COPA: variants seen among roughly 807,000 people sequenced by gnomAD.
COPA encodes coat protein complex I subunit alpha, also known as coatomer subunit alpha.
Under a neutral mutation model 158.7 loss-of-function variants are expected in COPA, and 10 were observed. The observed-to-expected ratio is 0.06, with a 90% CI of 0.04 to 0.11. The LOEUF (loss-of-function observed/expected upper bound fraction) is 0.11, where lower values mean the gene tolerates loss of function less well. Among genes scored for constraint, COPA ranks in the 10% least tolerant of loss-of-function variants. The pLI is 1.00. For missense variants in COPA, 1,065 were observed against 1,536.7 expected (o/e 0.69, Z 5.13); for synonymous variants, 462 against 542.8 (o/e 0.85, Z 2.07).
At chr1:160,333,763 T>G in intron 4 of COPA, 84 bp from the exon 5 acceptor site, 1 of 1,092,084 alleles carries the variant, frequency 9.2e-7, no homozygotes, top group Non-Finnish European at 1.4e-6. Context: ...TCTAAAGAAC[T>G]GCATTGCTTA....
rs1429416289 is a variant in COPA, at chr1:160,313,076, G to A, written c.925+9C>T. On this transcript the variant is annotated intron_variant, in intron 10 of 32. Transcript: ENST00000241704. Reference sequence around the variant, plus strand: ...TAAGCAAAGAAAAAAGAGAGAAAATGGCCCTTACCTGCTGCAAAGAGGTTA... The same window carrying A: ...TAAGCAAAGAAAAAAGAGAGAAAATAGCCCTTACCTGCTGCAAAGAGGTTA... 1 of 1,609,404 alleles carries A rather than the reference G, an allele frequency of 6.2e-7. No individual in the cohort carries two copies. The highest frequency in any genetic ancestry group is 1.1e-5 in the South Asian group (1 of 90,304).
intron 25 of COPA, among the ~76,000 whole-genome samples, 173 bp from the exon 26 acceptor site, chr1:160,293,636 A>C (rs148610765): frequency 0.016 from 2,368 of 152,168 alleles, 64 homozygotes; most frequent in African/African-American, 0.054. Flanking sequence ...CTGGGACTGC[A>C]GGCATGAGTC....
rs2101873058 is a variant in COPA at position 160,333,652 on chromosome 1, C to T, written c.337G>A (p.Asp113Asn). ...HEYPWILSASDDQTIRVWNWQ... is the reference protein window; with the variant it reads ...HEYPWILSASNDQTIRVWNWQ... ...TTCCACACTCGGATGGTCTGATCAT[C>T]GGAGGCACTCAGAATCCAGGGATAT... Residue 113 changes from aspartate to asparagine, a missense_variant, in exon 5 of 33, where the codon GAT (aspartate) becomes AAT (asparagine). Around this residue, in one of 2 missense-constraint regions of COPA, gnomAD observed 85 missense variants for 178.9 expected, o/e 0.48. Coordinates refer to ENST00000241704, the MANE Select transcript of COPA (RefSeq NM_004371.4). 6.2e-7 allele frequency: 1 copy of T among 1,613,116 alleles called. No individual in the cohort carries two copies. The highest frequency in any genetic ancestry group is 8.5e-7 in the Non-Finnish European group (1 of 1,179,390).
chr1:160,342,609 A>G (rs1311684445), intron 1 of COPA, among the ~76,000 whole-genome samples: 1 of 152,226 alleles, frequency 6.6e-6, no homozygotes, highest in Non-Finnish European at 1.5e-5. Context: ...TATTGGGGTT[A>G]TAAGCCTCAA....
At chr1:160,317,651 A>G in intron 8 of COPA, 1 of 1,525,212 alleles carries the variant, frequency 6.6e-7, no homozygotes. Context: ...GGAATGGAGG[A>G]AGAAGATGTG....
At chr1:160,296,593 T>C (rs1487459769) in intron 21 of COPA, among the ~76,000 whole-genome samples, 1 of 152,220 alleles carries the variant, frequency 6.6e-6, no homozygotes, top group African/African-American at 2.4e-5. Flanking sequence ...GCCAACACTT[T>C]GACTGTAGCC....
intron 8 of COPA, among the ~76,000 whole-genome samples, chr1:160,316,643 G>A (rs1051747890): frequency 2.0e-5 from 3 of 151,598 alleles, no homozygotes; most frequent in South Asian, 2.1e-4. Context: ...CCAGCTACTC[G>A]GGAGGCTGAG....
Position 160,333,443 on chromosome 1 carries a change from A to G in COPA, c.386+160T>C, listed in dbSNP as rs892842941. The G allele has an allele frequency of 3.7e-5, 20 of 540,360 alleles. No individual in the cohort carries two copies. The Admixed American group carries it at 6.3e-4, about 17-fold the overall frequency. 33.5% of individuals were successfully genotyped at this position (540,360 alleles called of 1,614,324 possible). A position where few individuals can be genotyped will look rare whatever the true frequency, so the allele number is the denominator to read the frequency against. ...GATTCATATATGGGATTGCCTCTAC[A>G]TTTATTATTTTGCACTTAAAAGCAT... On this transcript the variant is annotated intron_variant, in intron 5 of 32. Coordinates refer to ENST00000241704, the MANE Select transcript of COPA (RefSeq NM_004371.4).
intron 22 of COPA, 24 bp from the exon 23 acceptor site, chr1:160,295,883 TA>T (rs1658385961): frequency 1.9e-6 from 3 of 1,591,002 alleles, no homozygotes; most frequent in Non-Finnish European, 2.6e-6. Flanking sequence ...GAAAAGAGGC[TA>T]AAAACAAATA....
chr1:160,335,474 C>T, intron 3 of COPA, 152 bp from the exon 4 acceptor site: 1 of 508,356 alleles, frequency 2.0e-6, no homozygotes, highest in Non-Finnish European at 3.2e-6. Flanking sequence ...TAGGTAGGAA[C>T]CTTGGTAGAA....
chr1:160,337,602 C>T (rs1647836390), intron 3 of COPA, among the ~76,000 whole-genome samples: 1 of 152,118 alleles, frequency 6.6e-6, no homozygotes, highest in Non-Finnish European at 1.5e-5. Context: ...GCCTGTAATT[C>T]CAGCTACTCG....
intron 8 of COPA, among the ~76,000 whole-genome samples, chr1:160,322,751 T>TGTATAGTATAGTA: frequency 6.6e-6 from 1 of 152,214 alleles, no homozygotes; most frequent in Non-Finnish European, 1.5e-5. Flanking sequence ...GGAATGTAAA[T>TGTATAGTATAGTA]TAGTATAGTC....
At chr1:160,290,815 C>T in intron 31 of COPA, 129 bp from the exon 32 acceptor site, 1 of 812,862 alleles carries the variant, frequency 1.2e-6, no homozygotes, top group Non-Finnish European at 2.0e-6. Flanking sequence ...AGGTCCCAAC[C>T]TCTGTACTGG....
At chr1:160,321,769 T>C (rs2096143) in intron 8 of COPA, among the ~76,000 whole-genome samples, 97,738 of 152,020 alleles carry the variant, frequency 0.64, 32,946 homozygotes, top group African/African-American at 0.86. Flanking sequence ...GCCTGGGCAA[T>C]AGAGCGAGAT....
chr1:160,322,708 T>G (rs1659364735), intron 8 of COPA, among the ~76,000 whole-genome samples: 1 of 152,120 alleles, frequency 6.6e-6, no homozygotes, highest in Non-Finnish European at 1.5e-5. Context: ...GGCAAGGGTA[T>G]GGAGAAAGGG....
chr1:160,321,718 G>A (rs754169870), intron 8 of COPA, among the ~76,000 whole-genome samples: 11 of 152,174 alleles, frequency 7.2e-5, no homozygotes, highest in Non-Finnish European at 1.3e-4. Flanking sequence ...AACCTGGGAG[G>A]GGGAGGTTTC....
chr1:160,333,439 C>T, intron 5 of COPA, 164 bp downstream of exon 5: 1 of 534,240 alleles, frequency 1.9e-6, no homozygotes. Flanking sequence ...GGGATTGCCT[C>T]TACATTTATT....
chr1:160,305,602 T>C, intron 16 of COPA, 31 bp from the exon 17 acceptor site: 15 of 1,614,086 alleles, frequency 9.3e-6, no homozygotes, highest in Non-Finnish European at 1.2e-5. Flanking sequence ...GAGTGTTCTG[T>C]TGGATAGGGT....
intron 30 of COPA, 102 bp downstream of exon 30, chr1:160,291,717 T>C: frequency 7.7e-7 from 1 of 1,294,808 alleles, no homozygotes; most frequent in Non-Finnish European, 1.1e-6. Flanking sequence ...TAAATTTCTC[T>C]TCATCCCCAC....
Sources: allele counts gnomAD v4.1 joint callset (sites outside exome capture counted in the v4.1 genomes callset), GRCh38; gene constraint gnomAD v4.1.1; regional missense constraint gnomAD v4.1.1; transcripts MANE v1.5; gene names NCBI Gene and HGNC (gene_info 2026-07-23, HGNC 2026-07-21).